The following GALNTL6 variants were observed in gnomAD, a reference collection of about 807,000 sequenced individuals.
GALNTL6 encodes the protein polypeptide N-acetylgalactosaminyltransferase like 6, also known as polypeptide N-acetylgalactosaminyltransferase-like 6.
Under a neutral mutation model 73.7 loss-of-function variants are expected in GALNTL6, and 46 were observed. That is an observed-to-expected ratio of 0.62 (90% CI 0.49 to 0.80). GALNTL6 has a LOEUF of 0.80. GALNTL6 is among the 30% of genes least tolerant of loss of function. The pLI is 0.00. For synonymous variants in GALNTL6, 259 were observed against 263.7 expected, an observed-to-expected ratio of 0.98 and a Z score of 0.17; for missense variants, 604 against 755.0, an observed-to-expected ratio of 0.80 and a Z score of 2.34.
intron 5 of GALNTL6, among the ~76,000 whole-genome samples, chr4:172,588,221 T>C (rs1426224609): frequency 1.3e-5 from 2 of 152,188 alleles, no homozygotes; most frequent in Admixed American, 1.3e-4. Flanking sequence ...GTTTTTACCA[T>C]GGGTCTTAAA....
intron 7 of GALNTL6, 39 bp from the exon 8 acceptor site, chr4:172,882,751 G>A (rs777646949): frequency 1.5e-5 from 19 of 1,264,110 alleles, no homozygotes; most frequent in Admixed American, 3.4e-5. Flanking sequence ...TGTCTGTAAC[G>A]TTCATAGTCC....
chr4:172,421,503 T>C (rs551458705), intron 5 of GALNTL6, among the ~76,000 whole-genome samples: 1 of 151,754 alleles, frequency 6.6e-6, no homozygotes, highest in African/African-American at 2.4e-5. Context: ...ATAAGGGAGA[T>C]AAAATAAAAA....
At chr4:172,963,991 C>A (rs147401393) in intron 10 of GALNTL6, among the ~76,000 whole-genome samples, 2 of 152,196 alleles carry the variant, frequency 1.3e-5, no homozygotes, top group African/African-American at 4.8e-5. Context: ...CTCTGGTAGG[C>A]AAGGAGAGTG....
chr4:172,359,092 T>C (rs894943024), intron 5 of GALNTL6, among the ~76,000 whole-genome samples: 5 of 152,202 alleles, frequency 3.3e-5, no homozygotes, highest in Non-Finnish European at 7.3e-5. Context: ...AAATGTTCAC[T>C]GCAGCACTAT....
intron 5 of GALNTL6, among the ~76,000 whole-genome samples, chr4:172,483,811 A>G (rs551991606): frequency 3.3e-5 from 5 of 152,198 alleles, no homozygotes; most frequent in Non-Finnish European, 5.9e-5. Context: ...ATCAGGGGAC[A>G]TTAAGTGAAA....
At chr4:172,587,863 C>T (rs1737476233) in intron 5 of GALNTL6, among the ~76,000 whole-genome samples, 1 of 152,176 alleles carries the variant, frequency 6.6e-6, no homozygotes, top group African/African-American at 2.4e-5. Flanking sequence ...CTGTGCTTTA[C>T]TCCCAAACAC....
chr4:172,133,538 T>C (rs187877409), intron 2 of GALNTL6, among the ~76,000 whole-genome samples: 21 of 152,300 alleles, frequency 1.4e-4, no homozygotes, highest in African/African-American at 5.1e-4. Context: ...ACAAATACTA[T>C]GAAACACTCT....
intron 2 of GALNTL6, among the ~76,000 whole-genome samples, chr4:172,223,284 C>T (rs1198308485): frequency 6.6e-6 from 1 of 151,914 alleles, no homozygotes; most frequent in Non-Finnish European, 1.5e-5. Context: ...TAATTCTTTC[C>T]ACCAAAAAAA....
At chr4:172,472,734 T>C (rs760121574) in intron 5 of GALNTL6, among the ~76,000 whole-genome samples, 4 of 152,150 alleles carry the variant, frequency 2.6e-5, no homozygotes, top group Non-Finnish European at 5.9e-5. Flanking sequence ...ATTAAAATTA[T>C]GCTGACACAA....
intron 10 of GALNTL6, among the ~76,000 whole-genome samples, chr4:172,998,640 T>G (rs771662676): frequency 6.6e-6 from 1 of 152,148 alleles, no homozygotes; most frequent in Non-Finnish European, 1.5e-5. Context: ...GGTGACTTCC[T>G]TATTGCCAAA....
intron 2 of GALNTL6, among the ~76,000 whole-genome samples, chr4:171,916,722 G>T (rs903168692): frequency 2.6e-5 from 4 of 151,932 alleles, no homozygotes; most frequent in Admixed American, 1.3e-4. Context: ...TACTTTAGGG[G>T]AAAAAGTTTC....
At chr4:172,221,393 C>A (rs1736672412) in intron 2 of GALNTL6, among the ~76,000 whole-genome samples, 1 of 151,546 alleles carries the variant, frequency 6.6e-6, no homozygotes, top group African/African-American at 2.4e-5. Context: ...GTTATAAAAC[C>A]CAGGCTCAAT....
At chr4:172,727,262 C>T (rs1311646483) in intron 5 of GALNTL6, among the ~76,000 whole-genome samples, 1 of 152,146 alleles carries the variant, frequency 6.6e-6, no homozygotes, top group Non-Finnish European at 1.5e-5. Context: ...GAAGTCTTAC[C>T]TCTCTAAATT....
chr4:172,347,221 C>G (rs541453019), intron 4 of GALNTL6, among the ~76,000 whole-genome samples: 1 of 152,008 alleles, frequency 6.6e-6, no homozygotes, highest in Non-Finnish European at 1.5e-5. Flanking sequence ...AACTCCAGGA[C>G]TCAAGTGATC....
chr4:171,834,706 A>G (rs562582153), intron 2 of GALNTL6, among the ~76,000 whole-genome samples: 13 of 152,090 alleles, frequency 8.5e-5, no homozygotes, highest in African/African-American at 3.1e-4. Flanking sequence ...CCATCTAAAG[A>G]TGTGTCCCTA....
chr4:172,550,130 A>C (rs185504085), intron 5 of GALNTL6, among the ~76,000 whole-genome samples: 68 of 152,284 alleles, frequency 4.5e-4, no homozygotes, highest in African/African-American at 1.4e-3. Context: ...TCTCATATAT[A>C]CATATATAGT....
chr4:172,519,415 C>T (rs1046976115), intron 5 of GALNTL6, among the ~76,000 whole-genome samples: 2 of 150,934 alleles, frequency 1.3e-5, no homozygotes, highest in African/African-American at 2.4e-5. Context: ...CCCTCTTCAC[C>T]ATCAATATGG....
chr4:171,957,109 T>C (rs961718110), intron 2 of GALNTL6, among the ~76,000 whole-genome samples: 2 of 152,224 alleles, frequency 1.3e-5, no homozygotes, highest in African/African-American at 4.8e-5. Context: ...CCTTCAGGTC[T>C]GTTAAAAGTA....
intron 2 of GALNTL6, among the ~76,000 whole-genome samples, chr4:171,834,504 T>C (rs1214129293): frequency 6.6e-6 from 1 of 152,002 alleles, no homozygotes; most frequent in African/African-American, 2.4e-5. Context: ...TGGTAAACAC[T>C]TCAAATGCCT....
Sources: allele counts gnomAD v4.1 joint callset (sites outside exome capture counted in the v4.1 genomes callset), GRCh38; gene constraint gnomAD v4.1.1; transcripts MANE v1.5; gene names NCBI Gene and HGNC (gene_info 2026-07-23, HGNC 2026-07-21).